The following PRP4K variants were observed in gnomAD, a reference collection of about 807,000 sequenced individuals.
The protein encoded by PRP4K is serine/threonine-protein kinase PRP4 homolog.
At chr6:4,060,308 A>G in the PRP4K span, 1 of 964,788 alleles carries the variant, frequency 1.0e-6, no homozygotes, top group Non-Finnish European at 1.5e-6. The surrounding 1 kb of genome is among the most constrained non-coding windows in gnomAD (Gnocchi z 4.7). Context: ...TTTTGTATGT[A>G]TATGCATGTT....
chr6:4,044,537 A>G, the PRP4K span, among the ~76,000 whole-genome samples: 12 of 152,076 alleles, frequency 7.9e-5, no homozygotes, highest in Non-Finnish European at 1.6e-4. Context: ...GGTGTTCATC[A>G]TTTGGTGTCA....
At chr6:4,021,858 C>A in the PRP4K span, among the ~76,000 whole-genome samples, 1 of 152,162 alleles carries the variant, frequency 6.6e-6, no homozygotes, top group Non-Finnish European at 1.5e-5. Flanking sequence ...GGGTCAGTGG[C>A]AGCAGGCGGG....
the PRP4K span, among the ~76,000 whole-genome samples, chr6:4,053,258 G>T: frequency 6.6e-6 from 1 of 152,182 alleles, no homozygotes; most frequent in Non-Finnish European, 1.5e-5. Flanking sequence ...TCCCTAAGCT[G>T]TGGCTCCTGG....
At chr6:4,048,947 T>G in the PRP4K span, 2 of 1,051,480 alleles carry the variant, frequency 1.9e-6, no homozygotes, top group East Asian at 2.5e-5. Context: ...TACCCTTTTG[T>G]GTTTTAAAGG....
At chr6:4,023,793 AG>A in the PRP4K span, among the ~76,000 whole-genome samples, 1 of 152,082 alleles carries the variant, frequency 6.6e-6, no homozygotes. Flanking sequence ...GGCTCATTGT[AG>A]CCTCAGCCTC....
chr6:4,027,407 T>G, the PRP4K span, among the ~76,000 whole-genome samples: 2 of 152,206 alleles, frequency 1.3e-5, no homozygotes, highest in Admixed American at 1.3e-4. Flanking sequence ...GCAACTTGCC[T>G]AAGGGCACAA....
At chr6:4,028,237 C>T in the PRP4K span, among the ~76,000 whole-genome samples, 1 of 152,146 alleles carries the variant, frequency 6.6e-6, no homozygotes, top group Non-Finnish European at 1.5e-5. Flanking sequence ...GTTGCCCAGG[C>T]TGGAGTGCAG....
the PRP4K span, chr6:4,052,640 C>A: frequency 8.5e-7 from 1 of 1,170,580 alleles, no homozygotes; most frequent in Non-Finnish European, 1.2e-6. Context: ...TTTATGCTTG[C>A]AAATGTTTTT....
the PRP4K span, chr6:4,056,567 A>G: frequency 7.5e-6 from 12 of 1,598,100 alleles, no homozygotes; most frequent in Non-Finnish European, 1.0e-5. Context: ...AACCATAGCA[A>G]GTTCATCCTC....
At chr6:4,052,101 T>C in the PRP4K span, 1 of 1,553,142 alleles carries the variant, frequency 6.4e-7, no homozygotes, top group Non-Finnish European at 8.7e-7. Flanking sequence ...TCAGGTACAA[T>C]GTCAAAACGT....
the PRP4K span, chr6:4,052,632 T>C: frequency 1.8e-6 from 2 of 1,101,946 alleles, no homozygotes; most frequent in South Asian, 1.8e-5. Flanking sequence ...GATTTTACTT[T>C]ATGCTTGCAA....
At chr6:4,037,810 T>C in the PRP4K span, among the ~76,000 whole-genome samples, 8 of 152,056 alleles carry the variant, frequency 5.3e-5, no homozygotes, top group Non-Finnish European at 7.4e-5. Context: ...AAAATAGGAC[T>C]TTTTTCTCTC....
chr6:4,026,911 C>T, the PRP4K span, among the ~76,000 whole-genome samples: 1 of 152,080 alleles, frequency 6.6e-6, no homozygotes. Flanking sequence ...GCCAAGGTAG[C>T]CAGGAATGCA....
chr6:4,040,828 G>A, the PRP4K span: 2 of 1,613,988 alleles, frequency 1.2e-6, no homozygotes, highest in South Asian at 1.1e-5. Flanking sequence ...TCACGCGGTG[G>A]TCGTAGACGA....
chr6:4,044,331 C>T, the PRP4K span: 2 of 267,190 alleles, frequency 7.5e-6, no homozygotes, highest in Non-Finnish European at 1.4e-5. Flanking sequence ...GTTTGTGTCT[C>T]TGTCAGTTAA....
chr6:4,038,265 A>G, the PRP4K span, among the ~76,000 whole-genome samples: 2 of 152,072 alleles, frequency 1.3e-5, no homozygotes, highest in East Asian at 1.9e-4. Context: ...GTCTGAGTGC[A>G]CTCTGGTCAA....
At chr6:4,025,321 A>G in the PRP4K span, among the ~76,000 whole-genome samples, 1 of 152,164 alleles carries the variant, frequency 6.6e-6, no homozygotes, top group Non-Finnish European at 1.5e-5. Flanking sequence ...AAAGTCGTTG[A>G]TGATAAAGCT....
At chr6:4,052,853 A>G in the PRP4K span, 1 of 1,611,448 alleles carries the variant, frequency 6.2e-7, no homozygotes, top group Non-Finnish European at 8.5e-7. Context: ...ACATGCAGAT[A>G]TCAAGCCAGA....
chr6:4,063,896 A>C, the PRP4K span: 1 of 152,140 alleles, frequency 6.6e-6, no homozygotes, highest in African/African-American at 2.4e-5. Context: ...TTTATGGCAA[A>C]AGTGATATCA....
Sources: gnomAD v4.1 joint callset for allele counts (sites outside exome capture counted in the v4.1 genomes callset) on GRCh38, gnomAD v4.1.1 for gene constraint, Gnocchi (gnomAD v3.1) non-coding constraint, MANE v1.5 for transcripts, NCBI Gene and HGNC (gene_info 2026-07-23, HGNC 2026-07-21) for gene names.